The following RAD51B variants were observed in gnomAD, a reference collection of about 807,000 sequenced individuals.
RAD51B encodes DNA repair protein RAD51 homolog 2.
RAD51B carries 38 observed loss-of-function variants against 42.2 expected under a neutral mutation model. The ratio of observed to expected loss-of-function variants is 0.90; its 90% CI spans 0.70 to 1.18. The LOEUF is 1.18. Ranked by LOEUF, RAD51B falls within the 50% of genes most tolerant of loss-of-function variation. RAD51B has a pLI of 0.00. For missense variants in RAD51B, 373 were observed against 400.7 expected (o/e 0.93, Z 0.59); for synonymous variants, 154 against 145.2 (o/e 1.06, Z -0.43).
chr14:67,864,931 T>C, intron 4 of RAD51B, 72 bp from the exon 5 acceptor site: 1 of 1,427,206 alleles, frequency 7.0e-7, no homozygotes, highest in Non-Finnish European at 9.2e-7. Flanking sequence ...GGATTTTGCT[T>C]TGACTGGCTT....
At chr14:68,108,008 A>G (rs2077402002) in intron 7 of RAD51B, among the ~76,000 whole-genome samples, 1 of 151,802 alleles carries the variant, frequency 6.6e-6, no homozygotes, top group Non-Finnish European at 1.5e-5. Flanking sequence ...AATTAAAAGT[A>G]GATTAATAAT....
At chr14:68,040,351 A>G (rs1215044026) in intron 7 of RAD51B, among the ~76,000 whole-genome samples, 2 of 152,118 alleles carry the variant, frequency 1.3e-5, no homozygotes, top group East Asian at 3.9e-4. Flanking sequence ...CTATCTCTGT[A>G]CCGCTTGTAC....
intron 8 of RAD51B, among the ~76,000 whole-genome samples, chr14:68,351,632 C>T (rs17105459): frequency 0.048 from 7,304 of 152,080 alleles, 587 homozygotes; most frequent in African/African-American, 0.16. Flanking sequence ...TGTCCTGCCA[C>T]CTGAAGAGAG....
At chr14:68,259,379 C>T (rs1188144384) in intron 7 of RAD51B, among the ~76,000 whole-genome samples, 1 of 151,802 alleles carries the variant, frequency 6.6e-6, no homozygotes, top group East Asian at 1.9e-4. Flanking sequence ...TGCAGCATAC[C>T]AACATGGCAC....
chr14:68,248,228 A>G (rs936835752), intron 7 of RAD51B, among the ~76,000 whole-genome samples: 10 of 152,224 alleles, frequency 6.6e-5, no homozygotes, highest in African/African-American at 2.4e-4. Context: ...CAGAAACTGT[A>G]CTTTCCTTGT....
intron 7 of RAD51B, among the ~76,000 whole-genome samples, chr14:68,041,672 C>G (rs148062266): frequency 4.7e-4 from 72 of 152,170 alleles, no homozygotes; most frequent in Non-Finnish European, 8.2e-4. Flanking sequence ...CTGGCAGACC[C>G]TGAGAACTGT....
chr14:67,961,872 G>C (rs762867187), intron 7 of RAD51B, among the ~76,000 whole-genome samples: 1 of 152,164 alleles, frequency 6.6e-6, no homozygotes, highest in Non-Finnish European at 1.5e-5. Context: ...AGAGATCGCT[G>C]ACTACAGCAG....
intron 7 of RAD51B, among the ~76,000 whole-genome samples, chr14:67,995,849 C>G (rs55708855): frequency 1.3e-5 from 2 of 152,000 alleles, no homozygotes; most frequent in African/African-American, 4.8e-5. Context: ...GATCTCCTGA[C>G]CTCGTGATCC....
At position 68,226,338 on chromosome 14, in the gene RAD51B, C is replaced by T. The variant is rs182075111; in HGVS notation, c.757-65546C>T. Among the ~76,000 whole-genome samples the T allele has an allele frequency of 4.6e-3, 698 of 152,342 alleles. 2 individuals carry two copies. Among genetic ancestry groups the T allele is most frequent in the Middle Eastern group, 6.8e-3 (2 of 294 alleles). On this transcript the variant is annotated intron_variant, in intron 7 of 10. Coordinates refer to ENST00000471583, the MANE Select transcript of RAD51B (RefSeq NM_133510.4). ...CTAAAACCCTCTCCCGGGCCAGCCA[C>T]GGAGCAAGACTTCTTCACGTATTAT...
At chr14:67,831,001 G>C (rs565106159) in intron 3 of RAD51B, among the ~76,000 whole-genome samples, 97 of 151,422 alleles carry the variant, frequency 6.4e-4, no homozygotes, top group African/African-American at 2.3e-3. Context: ...TTAGCCTCCC[G>C]AGTAGCTGGG....
At chr14:68,608,028 C>G (rs1419117540) in intron 10 of RAD51B, among the ~76,000 whole-genome samples, 1 of 152,190 alleles carries the variant, frequency 6.6e-6, no homozygotes. Flanking sequence ...TGGTATGAGG[C>G]CAAAGGTTCT....
chr14:68,661,395 G>T (rs889183567), intron 11 of RAD51B, among the ~76,000 whole-genome samples: 5 of 152,164 alleles, frequency 3.3e-5, no homozygotes, highest in East Asian at 1.9e-4. Context: ...CCTGCCAGGG[G>T]TCTGCACCAG....
chr14:68,381,460 G>A (rs1458091068), intron 8 of RAD51B, among the ~76,000 whole-genome samples: 2 of 152,116 alleles, frequency 1.3e-5, no homozygotes, highest in Non-Finnish European at 2.9e-5. Flanking sequence ...CAGATCACAA[G>A]GTCAGGAGAT....
downstream of RAD51B, among the ~76,000 whole-genome samples, chr14:68,482,202 T>C (rs1353466930): frequency 2.0e-5 from 3 of 152,092 alleles, no homozygotes; most frequent in Non-Finnish European, 4.4e-5. Context: ...TGTGTGTATG[T>C]GTGTGTGTAT....
At chr14:68,260,840 C>T (rs1595621437) in intron 7 of RAD51B, among the ~76,000 whole-genome samples, 1 of 152,172 alleles carries the variant, frequency 6.6e-6, no homozygotes, top group Non-Finnish European at 1.5e-5. Context: ...TTTAGAGGAA[C>T]ATTCAACAGC....
Position 68,559,025 on chromosome 14 carries a change from A to G in RAD51B, c.1037-35460A>G, listed in dbSNP as rs184611238. ...TACATGTATATATATATAAATATGT[A>G]TATGACATTTACTAATACATATCTC... On this transcript the variant is annotated intron_variant, in intron 10 of 10. Transcript: ENST00000487270. Among the ~76,000 whole-genome samples, 73 of 151,870 alleles carry G rather than the reference A, an allele frequency of 4.8e-4. No individual in the cohort carries two copies. In the East Asian group the frequency reaches 0.012, roughly 25 times the overall value.
At chr14:68,672,814 T>C (rs1893186460) in intron 11 of RAD51B, among the ~76,000 whole-genome samples, 1 of 152,208 alleles carries the variant, frequency 6.6e-6, no homozygotes. Flanking sequence ...TGCAGCTTCA[T>C]GGTGTCCCTT....
At chr14:68,678,515 A>G (rs1235742581) in intron 11 of RAD51B, among the ~76,000 whole-genome samples, 1 of 152,160 alleles carries the variant, frequency 6.6e-6, no homozygotes, top group Non-Finnish European at 1.5e-5. Flanking sequence ...GTGAATTAAT[A>G]GCATGCCTAG....
intron 4 of RAD51B, among the ~76,000 whole-genome samples, chr14:67,861,544 C>G (rs908271037): frequency 1.3e-5 from 2 of 150,494 alleles, no homozygotes; most frequent in African/African-American, 4.9e-5. Context: ...CCACTGCACT[C>G]CAGCCTGGGC....
Sources: gnomAD v4.1 joint callset for allele counts (sites outside exome capture counted in the v4.1 genomes callset) on GRCh38, gnomAD v4.1.1 for gene constraint, MANE v1.5 for transcripts, NCBI Gene and HGNC (gene_info 2026-07-23, HGNC 2026-07-21) for gene names.